RPS6KC1: variants seen among roughly 807,000 people sequenced by gnomAD.
The protein encoded by RPS6KC1 is inactive ribosomal protein S6 kinase delta-1.
In RPS6KC1, 54 loss-of-function variants were observed where a neutral mutation model predicts 103.8. That is an observed-to-expected ratio of 0.52 (90% CI 0.42 to 0.65). The LOEUF (loss-of-function observed/expected upper bound fraction) is 0.65, where lower values mean the gene tolerates loss of function less well. Among genes scored for constraint, RPS6KC1 ranks in the 30% least tolerant of loss-of-function variants. RPS6KC1 has a pLI of 0.00. For synonymous variants in RPS6KC1, 439 were observed against 438.7 expected (o/e 1.00, Z -0.01); for missense variants, 1,151 against 1,253.8 (o/e 0.92, Z 1.24).
At chr1:213,060,267 A>G (rs182237314) in intron 1 of RPS6KC1, among the ~76,000 whole-genome samples, 1 of 152,372 alleles carries the variant, frequency 6.6e-6, no homozygotes, top group East Asian at 1.9e-4. Flanking sequence ...TTATTAACAA[A>G]TGTCTGATAT....
rs528946316 is a variant in RPS6KC1, at chr1:213,217,071, A to G, written c.1045-13426A>G. On this transcript the variant is annotated intron_variant, in intron 8 of 14. Transcript: ENST00000366960. ...ACACAAAAAACCCTTCAAAACATCA[A>G]TGAATCCAGGAGCTGGCTTTTTGAA... Among the ~76,000 whole-genome samples the G allele has an allele frequency of 9.3e-4, 141 of 151,870 alleles. 3 individuals carry two copies. Among genetic ancestry groups the G allele is most frequent in the Admixed American group, 1.8e-3 (28 of 15,274 alleles).
chr1:213,241,285 A>T lies in RPS6KC1; in HGVS notation c.1809A>T (p.Ile603=). The T allele has an allele frequency of 3.1e-6, 5 of 1,613,990 alleles. No homozygotes were observed. Among genetic ancestry groups the T allele is most frequent in the Non-Finnish European group, 3.4e-6 (4 of 1,179,940 alleles). ...SKNSPMEFFR[I]DSKDSASELL... is the part of the protein sequence containing the mutation. ...ATAGCCCCATGGAATTCTTTAGGAT[A>T]GACAGTAAGGATAGCGCAAGTGAAC... The change falls in exon 11 of 15, where the codon ATA becomes ATT. Residue 603 remains isoleucine, a synonymous_variant. Coordinates refer to ENST00000366960, the MANE Select transcript of RPS6KC1 (RefSeq NM_012424.6).
At chr1:213,434,917 A>G in the RPS6KC1 span, among the ~76,000 whole-genome samples, 1 of 151,880 alleles carries the variant, frequency 6.6e-6, no homozygotes, top group Non-Finnish European at 1.5e-5. Context: ...TTGTGGGTTT[A>G]TGGTTTTTAT....
chr1:213,112,938 C>G (rs975949755), intron 4 of RPS6KC1, among the ~76,000 whole-genome samples: 4 of 152,176 alleles, frequency 2.6e-5, no homozygotes, highest in African/African-American at 9.7e-5. Flanking sequence ...TGTATATGTG[C>G]CACATTTTCT....
chr1:213,168,980 C>T (rs2091244817), intron 7 of RPS6KC1, among the ~76,000 whole-genome samples: 1 of 152,082 alleles, frequency 6.6e-6, no homozygotes, highest in Non-Finnish European at 1.5e-5. Flanking sequence ...GATACTTAAT[C>T]CCACTTCTGC....
At chr1:213,164,600 G>GA (rs1327656202) in intron 6 of RPS6KC1, among the ~76,000 whole-genome samples, 4 of 152,066 alleles carry the variant, frequency 2.6e-5, no homozygotes, top group African/African-American at 9.7e-5. Flanking sequence ...CCCCAGGTTG[G>GA]AGTGCAGTGG....
chr1:213,767,533 C>T, the RPS6KC1 span, among the ~76,000 whole-genome samples: 1 of 152,158 alleles, frequency 6.6e-6, no homozygotes, highest in Non-Finnish European at 1.5e-5. Flanking sequence ...AACATGTGCA[C>T]CCATTCAGCA....
At chr1:213,240,042 A>C (rs1388415842) in intron 10 of RPS6KC1, among the ~76,000 whole-genome samples, 2 of 152,198 alleles carry the variant, frequency 1.3e-5, no homozygotes. Flanking sequence ...ATATGTCAGA[A>C]TACACAGTCG....
the RPS6KC1 span, among the ~76,000 whole-genome samples, chr1:213,376,995 C>T: frequency 6.6e-6 from 1 of 152,194 alleles, no homozygotes; most frequent in Non-Finnish European, 1.5e-5. Context: ...CCACCTTGCA[C>T]TGGGGACCAA....
chr1:213,523,038 A>C, the RPS6KC1 span, among the ~76,000 whole-genome samples: 1 of 152,198 alleles, frequency 6.6e-6, no homozygotes, highest in Non-Finnish European at 1.5e-5. Flanking sequence ...AATCATTTCT[A>C]GGTTTTGCTC....
intron 1 of RPS6KC1, among the ~76,000 whole-genome samples, chr1:213,053,661 T>G: frequency 6.6e-6 from 1 of 151,866 alleles, no homozygotes; most frequent in East Asian, 1.9e-4. Flanking sequence ...CCAATCAAGA[T>G]AGTTGAAAGA....
At chr1:213,486,243 C>T in the RPS6KC1 span, among the ~76,000 whole-genome samples, 2 of 152,076 alleles carry the variant, frequency 1.3e-5, no homozygotes, top group Non-Finnish European at 2.9e-5. Context: ...AACCCTAATC[C>T]AGCATTTATT....
Position 213,051,524 on chromosome 1 carries a change from C to T in RPS6KC1, c.105+15C>T, listed in dbSNP as rs766844823. The T allele has an allele frequency of 6.5e-5, 102 of 1,577,944 alleles. No individual in the cohort carries two copies. The highest frequency in any genetic ancestry group is 8.3e-5 in the Non-Finnish European group (96 of 1,151,700). The stretch of plus-strand genomic sequence containing the variant: ...TCACCGCCCGGGTGAGTGCCGGTGT[C>T]GGGCTGGGGTAGAGCTTGGATTGGG... On this transcript the variant is annotated intron_variant, in intron 1 of 14. Transcript: ENST00000366960.
chr1:213,118,777 C>T (rs2084004221), intron 5 of RPS6KC1, among the ~76,000 whole-genome samples: 1 of 152,032 alleles, frequency 6.6e-6, no homozygotes, highest in Non-Finnish European at 1.5e-5. Context: ...GGGCCACATG[C>T]CCAGGGGTCT....
the RPS6KC1 span, among the ~76,000 whole-genome samples, chr1:213,370,529 A>G: frequency 6.6e-6 from 1 of 152,168 alleles, no homozygotes. Context: ...ACCACACTGC[A>G]GCATGGGAAG....
At chr1:213,332,379 T>A in the RPS6KC1 span, among the ~76,000 whole-genome samples, 1 of 152,230 alleles carries the variant, frequency 6.6e-6, no homozygotes, top group Non-Finnish European at 1.5e-5. Context: ...GCTGTCATTT[T>A]GAAAATGCTG....
chr1:213,717,284 G>A, the RPS6KC1 span, among the ~76,000 whole-genome samples: 1 of 152,214 alleles, frequency 6.6e-6, no homozygotes, highest in Non-Finnish European at 1.5e-5. Flanking sequence ...CAGAAACACA[G>A]GAGAGAACAT....
the RPS6KC1 span, among the ~76,000 whole-genome samples, chr1:213,598,140 T>C: frequency 6.6e-6 from 1 of 152,330 alleles, no homozygotes; most frequent in African/African-American, 2.4e-5. Flanking sequence ...AATAACCATG[T>C]GAGAAAGCAT....
intron 6 of RPS6KC1, among the ~76,000 whole-genome samples, chr1:213,159,492 A>G (rs2090247186): frequency 1.3e-5 from 2 of 152,228 alleles, no homozygotes; most frequent in South Asian, 4.1e-4. Flanking sequence ...ACACATCATC[A>G]TTTGCTTAAA....
Sources: gnomAD v4.1 joint callset for allele counts (sites outside exome capture counted in the v4.1 genomes callset) on GRCh38, gnomAD v4.1.1 for gene constraint, MANE v1.5 for transcripts, NCBI Gene and HGNC (gene_info 2026-07-23, HGNC 2026-07-21) for gene names.